The following CLDN10 variants were observed in gnomAD, a reference collection of about 807,000 sequenced individuals.
The protein encoded by CLDN10 is claudin 10, also known as claudin-10.
A neutral mutation model predicts 22.9 loss-of-function variants in CLDN10; 15 were observed. That is an observed-to-expected ratio of 0.65 (90% CI 0.44 to 1.01). CLDN10 has a LOEUF of 1.01. Among genes scored for constraint, CLDN10 ranks in the 50% least tolerant of loss-of-function variants. The pLI, the probability that CLDN10 is intolerant of heterozygous loss-of-function variation, is 0.00. For synonymous variants in CLDN10, 114 were observed against 111.4 expected, an observed-to-expected ratio of 1.02 and a Z score of -0.15; for missense variants, 247 against 287.8, an observed-to-expected ratio of 0.86 and a Z score of 1.03.
chr13:95,500,035 T>A (rs1259964762), intron 1 of CLDN10, among the ~76,000 whole-genome samples: 1 of 152,136 alleles, frequency 6.6e-6, no homozygotes, highest in Non-Finnish European at 1.5e-5. Flanking sequence ...AGGCCATGGG[T>A]TGGACAAGCT....
intron 3 of CLDN10, among the ~76,000 whole-genome samples, chr13:95,564,381 A>T (rs949493815): frequency 6.6e-6 from 1 of 152,224 alleles, no homozygotes; most frequent in Admixed American, 6.5e-5. Context: ...TACAAAAACT[A>T]GCTGCCACTA....
chr13:95,473,170 A>AAT (rs1278069667), intron 1 of CLDN10, among the ~76,000 whole-genome samples: 11 of 148,252 alleles, frequency 7.4e-5, no homozygotes, highest in African/African-American at 2.7e-4. Context: ...GGAGAGAGAG[A>AAT]GAGAATCAAG....
upstream of CLDN10, among the ~76,000 whole-genome samples, chr13:95,549,508 A>T (rs988979746): frequency 6.6e-6 from 1 of 152,228 alleles, no homozygotes; most frequent in Non-Finnish European, 1.5e-5. Flanking sequence ...ATGCTACTCC[A>T]TAATATCTTT....
At chr13:95,437,316 G>A (rs1429894307) in intron 1 of CLDN10, among the ~76,000 whole-genome samples, 4 of 152,174 alleles carry the variant, frequency 2.6e-5, no homozygotes, top group Admixed American at 1.3e-4. Context: ...AATTCTTATT[G>A]GAGCCTGAAA....
intron 3 of CLDN10, among the ~76,000 whole-genome samples, chr13:95,567,172 C>A (rs1442123208): frequency 6.6e-6 from 1 of 152,044 alleles, no homozygotes; most frequent in African/African-American, 2.4e-5. Context: ...TCAATGGTAG[C>A]TTGATGGGGA....
At chr13:95,504,285 T>G (rs8000535) in intron 1 of CLDN10, among the ~76,000 whole-genome samples, 1 of 152,216 alleles carries the variant, frequency 6.6e-6, no homozygotes, top group Admixed American at 6.5e-5. Context: ...CTACATTTTT[T>G]ACTTCTGCAA....
At chr13:95,499,452 G>GA (rs1477041343) in intron 1 of CLDN10, among the ~76,000 whole-genome samples, 7 of 152,160 alleles carry the variant, frequency 4.6e-5, no homozygotes, top group Admixed American at 4.6e-4. Flanking sequence ...TGAGGCCGGA[G>GA]AATCACTTGA....
intron 1 of CLDN10, among the ~76,000 whole-genome samples, chr13:95,494,595 T>TAAG (rs2042908617): frequency 2.6e-5 from 4 of 152,256 alleles, no homozygotes; most frequent in Admixed American, 6.5e-5. Context: ...TTCTTCCGCT[T>TAAG]AATAAAAGAA....
At chr13:95,537,025 A>G (rs149012655) in intron 1 of CLDN10, among the ~76,000 whole-genome samples, 1,891 of 152,322 alleles carry the variant, frequency 0.012, 36 homozygotes, top group African/African-American at 0.043. Flanking sequence ...CTTCTTTAGA[A>G]GAGTTTCAGA....
intron 1 of CLDN10, among the ~76,000 whole-genome samples, chr13:95,482,177 G>A (rs1057360197): frequency 1.3e-5 from 2 of 152,080 alleles, no homozygotes; most frequent in Non-Finnish European, 2.9e-5. Flanking sequence ...GTATCAAAAC[G>A]TCCCATGTAC....
intron 1 of CLDN10, among the ~76,000 whole-genome samples, chr13:95,441,622 G>A (rs1315725309): frequency 6.6e-6 from 1 of 152,188 alleles, no homozygotes; most frequent in African/African-American, 2.4e-5. Context: ...CCACCAGCCA[G>A]CAGCATCTAT....
chr13:95,500,422 C>A (rs927385583), intron 1 of CLDN10, among the ~76,000 whole-genome samples: 1 of 152,200 alleles, frequency 6.6e-6, no homozygotes, highest in Non-Finnish European at 1.5e-5. Flanking sequence ...GCAGAGGGAA[C>A]AGCAAATGCC....
chr13:95,513,951 A>G (rs1459850799), intron 1 of CLDN10, among the ~76,000 whole-genome samples: 1 of 152,234 alleles, frequency 6.6e-6, no homozygotes, highest in Non-Finnish European at 1.5e-5. Flanking sequence ...ACTGATTGTT[A>G]TGCTTCAGAA....
chr13:95,506,335 C>CATA (rs2043038586), intron 1 of CLDN10, among the ~76,000 whole-genome samples: 3 of 152,212 alleles, frequency 2.0e-5, no homozygotes, highest in Non-Finnish European at 4.4e-5. Context: ...ATGGAGTTTT[C>CATA]TTAAGGACAG....
At chr13:95,557,765 G>C (rs961409525) in intron 1 of CLDN10, among the ~76,000 whole-genome samples, 1 of 152,088 alleles carries the variant, frequency 6.6e-6, no homozygotes, top group Non-Finnish European at 1.5e-5. Context: ...GGGCTGGGAC[G>C]GGGCATCTCA....
At chr13:95,466,466 G>A (rs1181291783) in intron 1 of CLDN10, among the ~76,000 whole-genome samples, 2 of 152,154 alleles carry the variant, frequency 1.3e-5, no homozygotes, top group Non-Finnish European at 2.9e-5. Context: ...ACCCATTGGA[G>A]CTTGAACCAG....
At chr13:95,537,189 A>G (rs560318830) in intron 1 of CLDN10, among the ~76,000 whole-genome samples, 6 of 152,192 alleles carry the variant, frequency 3.9e-5, no homozygotes, top group African/African-American at 9.7e-5. Context: ...TAATTTTAGG[A>G]TGTATTTCCA....
intron 1 of CLDN10, among the ~76,000 whole-genome samples, chr13:95,512,191 G>T (rs2043110857): frequency 9.9e-6 from 1 of 100,574 alleles, no homozygotes; most frequent in Non-Finnish European, 1.9e-5. Context: ...TGAGCAATGT[G>T]TTTGACCAAC....
chr13:95,554,222 T>A (rs572713842), intron 1 of CLDN10, among the ~76,000 whole-genome samples: 1 of 152,264 alleles, frequency 6.6e-6, no homozygotes, highest in East Asian at 1.9e-4. Context: ...CCGTTGAATT[T>A]CCTGTGGTTT....
Sources: gnomAD v4.1 joint callset for allele counts (sites outside exome capture counted in the v4.1 genomes callset) on GRCh38, gnomAD v4.1.1 for gene constraint, MANE v1.5 for transcripts, NCBI Gene and HGNC (gene_info 2026-07-23, HGNC 2026-07-21) for gene names.